Variants in ARAP3 observed in about 807,000 individuals in gnomAD.
ARAP3 encodes the protein arf-GAP with Rho-GAP domain, ANK repeat and PH domain-containing protein 3.
A neutral mutation model predicts 169.2 loss-of-function variants in ARAP3; 82 were observed. The observed-to-expected ratio is 0.48, with a 90% CI of 0.41 to 0.58. ARAP3 has a LOEUF of 0.58. ARAP3 is among the 20% of genes least tolerant of loss of function. ARAP3 has a pLI of 0.00. For synonymous variants in ARAP3, 791 were observed against 800.3 expected, an observed-to-expected ratio of 0.99 and a Z score of 0.20; for missense variants, 1,764 against 2,018.0, an observed-to-expected ratio of 0.87 and a Z score of 2.41.
chr5:141,676,399 G>A (rs1596496327), intron 4 of ARAP3, among the ~76,000 whole-genome samples: 1 of 152,286 alleles, frequency 6.6e-6, no homozygotes, highest in Admixed American at 6.5e-5. Flanking sequence ...AGCAACAATA[G>A]TTCCAACTCT....
rs1461020884 is a variant in ARAP3 at position 141,666,658 on chromosome 5, G to A, written c.2353-15C>T. 3.7e-6 allele frequency: 5 copies of A among 1,338,268 alleles called. No individual in the cohort carries two copies. The highest frequency in any genetic ancestry group is 1.9e-5 in the South Asian group (1 of 54,000). 82.9% of individuals were successfully genotyped at this position (1,338,268 alleles called of 1,614,324 possible). On this transcript the variant is annotated splice_polypyrimidine_tract_variant and intron_variant, in intron 16 of 32. Coordinates refer to ENST00000239440, the MANE Select transcript of ARAP3 (RefSeq NM_022481.6). ...GGGGAGAACCACTGTAGAGGCAGGG[G>A]GAGGACAGGAGAAAGGGGGATGGGG... is the stretch of plus-strand genomic sequence containing the variant.
chr5:141,673,434 A>G lies in ARAP3; in HGVS notation c.939T>C (p.Asn313=). 1 of 1,613,904 alleles carries G rather than the reference A, an allele frequency of 6.2e-7. No individual in the cohort carries two copies. The highest frequency in any genetic ancestry group is 2.2e-5 in the East Asian group (1 of 44,872). The change falls in exon 6 of 33, where the codon AAT becomes AAC. Residue 313 remains asparagine, a synonymous_variant. Coordinates refer to ENST00000239440, the MANE Select transcript of ARAP3 (RefSeq NM_022481.6). ...TGCCAAAGTACATCAGACTCCTCCC[A>G]TTGAACTGCACAAAGCGTCTCTGGA... ...YVFQRRFVQF[N]GRSLMYFGSD...
chr5:141,680,549 C>A, intron 1 of ARAP3, 46 bp from the exon 2 acceptor site: 1 of 1,513,836 alleles, frequency 6.6e-7, no homozygotes, highest in Non-Finnish European at 8.8e-7. Flanking sequence ...CTGAGAATCC[C>A]CCTCTCTGCC....
intron 6 of ARAP3, 91 bp from the exon 7 acceptor site, chr5:141,673,224 C>A: frequency 6.3e-7 from 1 of 1,593,346 alleles, no homozygotes; most frequent in Non-Finnish European, 8.6e-7. Flanking sequence ...ATAAGATTGG[C>A]ATTAAATCCA....
At chr5:141,679,134 T>C (rs1051709335) in intron 4 of ARAP3, among the ~76,000 whole-genome samples, 28 of 151,808 alleles carry the variant, frequency 1.8e-4, no homozygotes, top group African/African-American at 6.5e-4. Context: ...ACTAAAAATA[T>C]AAAAATTAGC....
Position 141,672,504 on chromosome 5 carries a change from C to T in ARAP3, c.1385+48G>A. 1.9e-6 allele frequency: 3 copies of T among 1,601,270 alleles called. No individual in the cohort carries two copies. The highest frequency in any genetic ancestry group is 2.6e-6 in the Non-Finnish European group (3 of 1,172,636). Reference sequence around the variant, plus strand: ...CCTCTAGTCCTCTGCACCCTTGTGCCTCCCGCAAAAGTCCCCCAGCCTTGC... The same window carrying T: ...CCTCTAGTCCTCTGCACCCTTGTGCTTCCCGCAAAAGTCCCCCAGCCTTGC... On this transcript the variant is annotated intron_variant, in intron 9 of 32. Coordinates refer to ENST00000239440, the MANE Select transcript of ARAP3 (RefSeq NM_022481.6). This position sits in a 1 kb window ranked among gnomAD's most constrained non-coding sequence, Gnocchi z 4.9.
At position 141,653,940 on chromosome 5, in the gene ARAP3, G is replaced by A; in HGVS notation, c.*10C>T. On this transcript the variant is annotated 3_prime_UTR_variant, in exon 33 of 33. Transcript: ENST00000239440. ...CTGGTACCTACCCTCTCAGACTGCTGGTCCTAGGGTCATGTGAGGGGCTGG... is the reference window on the plus strand; with the variant it reads ...CTGGTACCTACCCTCTCAGACTGCTAGTCCTAGGGTCATGTGAGGGGCTGG... The A allele has an allele frequency of 6.6e-7, 1 of 1,514,714 alleles. No homozygotes were observed. The highest frequency in any genetic ancestry group is 8.8e-7 in the Non-Finnish European group (1 of 1,132,260). The allele number at this position is 1,514,714 out of a possible 1,614,324, so 93.8% of individuals were successfully genotyped here.
At chr5:141,656,145 G>T (rs754142626) in intron 28 of ARAP3, 46 bp from the exon 29 acceptor site, 1 of 1,614,104 alleles carries the variant, frequency 6.2e-7, no homozygotes, top group East Asian at 2.2e-5. Flanking sequence ...AGGGCAGGGG[G>T]GTGAAGGCAG....
intron 4 of ARAP3, among the ~76,000 whole-genome samples, chr5:141,677,770 T>G (rs1164069427): frequency 7.0e-6 from 1 of 143,458 alleles, no homozygotes. Context: ...TTTTGTTTTT[T>G]GTTTTTGTTT....
At position 141,672,547 on chromosome 5, in the gene ARAP3, C is replaced by T; in HGVS notation, c.1385+5G>A. 2 of 1,613,962 alleles carry T rather than the reference C, an allele frequency of 1.2e-6. No individual in the cohort carries two copies. The highest frequency in any genetic ancestry group is 2.2e-5 in the South Asian group (2 of 91,060). ...AGCCTTGCCTCCCACTGGCCCAGGC[C>T]CCACCTGAAGCAGCGATGGGGTGTG... On this transcript the variant is annotated splice_donor_5th_base_variant and intron_variant, in intron 9 of 32. Coordinates refer to ENST00000239440, the MANE Select transcript of ARAP3 (RefSeq NM_022481.6). The surrounding 1 kb of genome is among the most constrained non-coding windows in gnomAD (Gnocchi z 4.9).
intron 25 of ARAP3, 98 bp from the exon 26 acceptor site, chr5:141,656,944 C>A (rs1022689726): frequency 4.8e-6 from 7 of 1,454,708 alleles, no homozygotes; most frequent in Admixed American, 2.4e-5. Context: ...ACTATCCAAC[C>A]ACAGACATTT....
chr5:141,663,116 T>C (rs1358931027), intron 19 of ARAP3, among the ~76,000 whole-genome samples: 1 of 152,130 alleles, frequency 6.6e-6, no homozygotes, highest in Non-Finnish European at 1.5e-5. Context: ...GAACAGACTA[T>C]ATTTGTTTTC....
At chr5:141,663,342 G>A (rs1373340546) in intron 19 of ARAP3, among the ~76,000 whole-genome samples, 1 of 152,118 alleles carries the variant, frequency 6.6e-6, no homozygotes, top group Admixed American at 6.6e-5. Context: ...CTTTCACCCG[G>A]GGTGGAGTGA....
At chr5:141,680,667 T>C (rs548278873) in intron 1 of ARAP3, 164 bp from the exon 2 acceptor site, 46 of 1,102,820 alleles carry the variant, frequency 4.2e-5, no homozygotes, top group Admixed American at 9.0e-5. Flanking sequence ...ACAACAGCAA[T>C]GGCTCTCTAC....
chr5:141,666,722 G>A (rs542570605), intron 16 of ARAP3, 79 bp from the exon 17 acceptor site: 53 of 696,420 alleles, frequency 7.6e-5, no homozygotes, highest in Middle Eastern at 4.5e-4. Context: ...GAGAGTGACC[G>A]GGGTAGCGAA....
intron 4 of ARAP3, among the ~76,000 whole-genome samples, chr5:141,674,973 G>A (rs2099911960): frequency 6.6e-6 from 1 of 152,106 alleles, no homozygotes; most frequent in Non-Finnish European, 1.5e-5. Context: ...CTTCAATAAC[G>A]TCCCATTCGC....
chr5:141,659,772 G>A lies in ARAP3; in HGVS notation c.3267+7C>T, dbSNP rs1457527249. The A allele has an allele frequency of 1.9e-6, 3 of 1,609,304 alleles. No homozygotes were observed. Among genetic ancestry groups the A allele is most frequent in the Non-Finnish European group, 2.5e-6 (3 of 1,176,684 alleles). On this transcript the variant is annotated splice_region_variant and intron_variant, in intron 22 of 32. Transcript: ENST00000239440. ...GGGTTGTGGGTTAGGGGTCAGGAAA[G>A]CCTTACATCAAAGACAGAGATGTAG...
intron 25 of ARAP3, among the ~76,000 whole-genome samples, 185 bp downstream of exon 25, chr5:141,658,180 T>C (rs1435025759): frequency 1.3e-5 from 2 of 151,982 alleles, no homozygotes; most frequent in African/African-American, 2.4e-5. Context: ...AAGGCCAAGA[T>C]GGAAGAATAC....
At chr5:141,681,707 T>C (rs1432234154) in intron 1 of ARAP3, among the ~76,000 whole-genome samples, 1 of 152,178 alleles carries the variant, frequency 6.6e-6, no homozygotes, top group Non-Finnish European at 1.5e-5. Flanking sequence ...TGAGCCTGGG[T>C]TTCTGTCTTC....
Sources: gnomAD v4.1 joint callset for allele counts (sites outside exome capture counted in the v4.1 genomes callset) on GRCh38, gnomAD v4.1.1 for gene constraint, Gnocchi (gnomAD v3.1) non-coding constraint, MANE v1.5 for transcripts, NCBI Gene and HGNC (gene_info 2026-07-23, HGNC 2026-07-21) for gene names.